The following RCC1L variants were observed in gnomAD, a reference collection of about 807,000 sequenced individuals.
RCC1L encodes RCC1 like.
Under a neutral mutation model 58.6 loss-of-function variants are expected in RCC1L, and 46 were observed. That is an observed-to-expected ratio of 0.79 (90% CI 0.62 to 1.00). The LOEUF (loss-of-function observed/expected upper bound fraction) is 1.00, where lower values mean the gene tolerates loss of function less well. RCC1L is among the 50% of genes least tolerant of loss of function. RCC1L has a pLI of 0.00. For missense variants in RCC1L, 636 were observed against 623.6 expected (o/e 1.02, Z -0.21); for synonymous variants, 281 against 262.9 (o/e 1.07, Z -0.67).
chr7:75,035,870 G>A (rs1181681058), intron 10 of RCC1L, among the ~76,000 whole-genome samples: 2 of 151,844 alleles, frequency 1.3e-5, no homozygotes, highest in Non-Finnish European at 2.9e-5. Flanking sequence ...GCCGGGCATG[G>A]CTTGCGTGCC....
intron 1 of RCC1L, among the ~76,000 whole-genome samples, chr7:75,072,730 A>G (rs1451617728): frequency 2.0e-5 from 3 of 152,184 alleles, no homozygotes; most frequent in African/African-American, 7.2e-5. Flanking sequence ...CTGTAATCCC[A>G]GCACTTTGGG....
At position 75,066,707 on chromosome 7, in the gene RCC1L, G is replaced by A. The variant is rs782139772; in HGVS notation, c.540C>T (p.Ser180=). Residue 180 remains serine (S), a synonymous_variant, in exon 3 of 11, where the codon TCC becomes TCT. Transcript: ENST00000610322. ...RPQETRVLQV[S]CGRAHSLVLT... Reference sequence around the variant, plus strand: ...ACACAAGAGAGTGAGCTCGGCCGCAGGAGACCTGCAGCACCCGTGTCTCCT... The same window carrying A: ...ACACAAGAGAGTGAGCTCGGCCGCAAGAGACCTGCAGCACCCGTGTCTCCT... 8 of 1,613,392 alleles carry A rather than the reference G, an allele frequency of 5.0e-6. No homozygotes were observed. The African/African-American group carries it at 1.1e-4, about 22-fold the overall frequency.
intron 9 of RCC1L, chr7:75,055,688 C>T (rs1174082381): frequency 5.5e-5 from 34 of 621,156 alleles, no homozygotes; most frequent in African/African-American, 1.9e-4. Context: ...ACAAACCAAA[C>T]GAACCAAAAT....
At chr7:75,048,544 C>T (rs1805816176) in intron 10 of RCC1L, among the ~76,000 whole-genome samples, 1 of 152,264 alleles carries the variant, frequency 6.6e-6, no homozygotes. Context: ...AGAAACCCCA[C>T]CCTCAAGGTG....
intron 8 of RCC1L, chr7:75,056,685 G>A: frequency 6.5e-7 from 1 of 1,535,494 alleles, no homozygotes; most frequent in Non-Finnish European, 8.7e-7. Flanking sequence ...CTCCACTCCA[G>A]AGGTTTGCTC....
intron 9 of RCC1L, among the ~76,000 whole-genome samples, chr7:75,053,045 G>T (rs964032996): frequency 1.4e-4 from 20 of 146,762 alleles, no homozygotes; most frequent in African/African-American, 4.8e-4. Context: ...GCACTCAAAT[G>T]AAGATGGGGC....
chr7:75,070,752 G>A lies in RCC1L; in HGVS notation c.342C>T (p.Cys114=), dbSNP rs1554445963. ...ELDQKISSAA[C]GYGFTLLSSK... is the part of the protein sequence containing the mutation. ...AGGACAGCAGTGTGAATCCATAGCC[G>A]CAAGCAGCAGATGAAATCTGAAAAG... is the stretch of plus-strand genomic sequence containing the variant. Residue 114 remains cysteine (C), a synonymous_variant, in exon 2 of 11, where the codon TGC becomes TGT. Coordinates refer to ENST00000610322, the MANE Select transcript of RCC1L (RefSeq NM_030798.5). The A allele has an allele frequency of 5.0e-6, 8 of 1,613,960 alleles. No homozygotes were observed. The highest frequency in any genetic ancestry group is 2.2e-5 in the South Asian group (2 of 91,072).
Position 75,042,782 on chromosome 7 carries a change from G to A in RCC1L, c.*250C>T, listed in dbSNP as rs930745340. The stretch of plus-strand genomic sequence containing the variant: ...TTACTTGGAGAGAACAGAGACGTGC[G>A]GGCCACAGCGGCCCACCAAAGGCTG... On this transcript the variant is annotated 3_prime_UTR_variant, in exon 11 of 11. Transcript: ENST00000610322. 2.5e-3 allele frequency: 3,592 copies of A among 1,424,216 alleles called. 24 individuals are homozygous for A. The highest frequency in any genetic ancestry group is 2.1e-3 in the Non-Finnish European group (2,320 of 1,083,542). 88.2% of individuals were successfully genotyped at this position (1,424,216 alleles called of 1,614,324 possible).
chr7:75,064,697 C>A (rs1806400620), intron 3 of RCC1L, 49 bp from the exon 4 acceptor site: 3 of 1,603,094 alleles, frequency 1.9e-6, no homozygotes, highest in Middle Eastern at 1.7e-4. Context: ...TTGTGGGATC[C>A]TAGAATGTGA....
In RCC1L at chr7:75,066,791, C is replaced by T. The variant is rs137907592; in HGVS notation, c.456G>A (p.Thr152=). ...LGFHRSRKDK[T]RGYEYVLEPS... The stretch of plus-strand genomic sequence containing the variant: ...GCTCCAACACATACTCGTAGCCCCT[C>T]GCTGGAAAAGACACAGGACACTGAT... The change falls in exon 3 of 11, where the codon ACG becomes ACA. Residue 152 remains threonine (T), a splice_region_variant and synonymous_variant. Transcript: ENST00000610322. 1.8e-4 allele frequency: 284 copies of T among 1,602,218 alleles called. No individual in the cohort carries two copies. Among genetic ancestry groups the T allele is most frequent in the African/African-American group, 1.5e-3 (112 of 74,384 alleles).
At chr7:75,040,301 A>T (rs1176350812), downstream of RCC1L, among the ~76,000 whole-genome samples, 20 of 152,298 alleles carry the variant, frequency 1.3e-4, no homozygotes, top group African/African-American at 3.6e-4. Context: ...CTCTACTAAA[A>T]ATACAAAAAT....
At chr7:75,056,638 T>C in intron 8 of RCC1L, 1 of 1,535,418 alleles carries the variant, frequency 6.5e-7, no homozygotes, top group Non-Finnish European at 8.7e-7. Flanking sequence ...GGAGTCTCTC[T>C]GGCCCAGGCT....
intron 10 of RCC1L, among the ~76,000 whole-genome samples, chr7:75,031,887 G>A (rs1191412707): frequency 3.9e-5 from 6 of 152,192 alleles, no homozygotes; most frequent in Admixed American, 3.9e-4. Context: ...AGTGAGGCCT[G>A]GCTGTAGGCA....
intron 5 of RCC1L, 81 bp from the exon 6 acceptor site, chr7:75,061,372 A>G (rs1806274249): frequency 1.6e-5 from 20 of 1,231,690 alleles, no homozygotes; most frequent in Non-Finnish European, 2.3e-5. Context: ...GACCAGCACC[A>G]TCGCCTGCCG....
At position 75,072,037 on chromosome 7, in the gene RCC1L, A is replaced by G. The variant is rs184338840; in HGVS notation, c.325-1268T>C. Among the ~76,000 whole-genome samples, 223 of 149,466 alleles carry G rather than the reference A, an allele frequency of 1.5e-3. 1 individual carries two copies. Among genetic ancestry groups the G allele is most frequent in the African/African-American group, 5.2e-3 (213 of 40,872 alleles). ...CTTGAATCCAGGAGGTCGAGGCTGC[A>G]GTGACCCATGATCACGCCACTGTAC... On this transcript the variant is annotated intron_variant, in intron 1 of 10. Coordinates refer to ENST00000610322, the MANE Select transcript of RCC1L (RefSeq NM_030798.5).
intron 10 of RCC1L, 77 bp from the exon 11 acceptor site, chr7:75,043,186 G>T: frequency 6.5e-7 from 1 of 1,540,882 alleles, no homozygotes; most frequent in Non-Finnish European, 9.0e-7. Flanking sequence ...TGGCCGACCC[G>T]GCCCTGCCTC....
At chr7:75,055,554 T>C (rs868992194) in intron 9 of RCC1L, 47 of 358,084 alleles carry the variant, frequency 1.3e-4, no homozygotes, top group Admixed American at 5.2e-4. Flanking sequence ...CACTTCCTAA[T>C]CACCCACCCA....
At chr7:75,070,602 C>T (rs1360629490) in intron 2 of RCC1L, 38 bp downstream of exon 2, 11 of 1,609,354 alleles carry the variant, frequency 6.8e-6, no homozygotes, top group Non-Finnish European at 8.5e-6. Flanking sequence ...TTTCTCAGAC[C>T]AATCCCGGCA....
rs1805597980 is a variant in RCC1L at position 75,042,568 on chromosome 7, G to C, written c.*464C>G. The C allele has an allele frequency of 1.0e-6, 1 of 999,992 alleles. No homozygotes were observed. 61.9% of individuals were successfully genotyped at this position (999,992 alleles called of 1,614,324 possible). A position where few individuals can be genotyped will look rare whatever the true frequency, so the allele number is the denominator to read the frequency against. ...CAGGGTGGCCTGAATGAAAACCGAG[G>C]GCCGAAGCCAGCCTGACTCCCTCGC... is the stretch of plus-strand genomic sequence containing the variant. On this transcript the variant is annotated 3_prime_UTR_variant, in exon 11 of 11. Transcript: ENST00000610322.
Sources: gnomAD v4.1 joint callset for allele counts (sites outside exome capture counted in the v4.1 genomes callset) on GRCh38, gnomAD v4.1.1 for gene constraint, MANE v1.5 for transcripts, NCBI Gene and HGNC (gene_info 2026-07-23, HGNC 2026-07-21) for gene names.